Variants in SOX6 observed in about 807,000 individuals in gnomAD.
SOX6 encodes SRY-box transcription factor 6, also known as transcription factor SOX-6.
Under a neutral mutation model 97.8 loss-of-function variants are expected in SOX6, and 11 were observed. The observed-to-expected ratio is 0.11, with a 90% CI of 0.07 to 0.19. SOX6 has a LOEUF of 0.19. Ranked by LOEUF, SOX6 falls within the 10% of genes least tolerant of loss-of-function variation. The pLI is 1.00. For synonymous variants in SOX6, 360 were observed against 371.4 expected (o/e 0.97, Z 0.35); for missense variants, 810 against 1,039.5 (o/e 0.78, Z 3.04).
chr11:16,076,028 G>C (rs930511843), intron 9 of SOX6, among the ~76,000 whole-genome samples: 4 of 151,932 alleles, frequency 2.6e-5, no homozygotes, highest in Non-Finnish European at 5.9e-5. Context: ...GATTTAGGTG[G>C]GGACACAGCC....
chr11:16,521,372 G>C (rs1337023389), intron 4 of SOX6, among the ~76,000 whole-genome samples: 1 of 152,152 alleles, frequency 6.6e-6, no homozygotes, highest in East Asian at 1.9e-4. Context: ...GGCAAACAGG[G>C]TCAGGAGTGG....
intron 15 of SOX6, among the ~76,000 whole-genome samples, chr11:15,983,453 G>T (rs1853733075): frequency 6.6e-6 from 1 of 152,062 alleles, no homozygotes. Context: ...TGGCTTGAAA[G>T]TTATGCATGT....
At chr11:16,719,640 C>A (rs184317018) in intron 2 of SOX6, among the ~76,000 whole-genome samples, 17 of 152,176 alleles carry the variant, frequency 1.1e-4, no homozygotes, top group Admixed American at 8.5e-4. Context: ...AACTTCACAC[C>A]AGGCCAGGTA....
At chr11:16,240,314 GT>G in intron 3 of SOX6, among the ~76,000 whole-genome samples, 1 of 149,904 alleles carries the variant, frequency 6.7e-6, no homozygotes, top group Non-Finnish European at 1.5e-5. Context: ...GTGTGTGTGT[GT>G]GGCAGTGGAA....
At chr11:16,674,782 G>A (rs1429471175) in intron 3 of SOX6, among the ~76,000 whole-genome samples, 1 of 152,106 alleles carries the variant, frequency 6.6e-6, no homozygotes, top group Non-Finnish European at 1.5e-5. Context: ...GAAACCCTAT[G>A]TCTACTAAAA....
chr11:16,104,919 A>G (rs1444588624), intron 7 of SOX6, among the ~76,000 whole-genome samples: 1 of 152,042 alleles, frequency 6.6e-6, no homozygotes, highest in Non-Finnish European at 1.5e-5. Context: ...AGTAAGGAAA[A>G]GCTCTGGCCT....
chr11:16,020,935 T>G (rs1038078635), intron 12 of SOX6, among the ~76,000 whole-genome samples: 5 of 152,102 alleles, frequency 3.3e-5, no homozygotes, highest in African/African-American at 1.2e-4. Flanking sequence ...TCTAGCCACA[T>G]AAATCAAAAA....
chr11:16,517,384 A>T (rs1860990445), intron 4 of SOX6, among the ~76,000 whole-genome samples: 1 of 152,100 alleles, frequency 6.6e-6, no homozygotes, highest in South Asian at 2.1e-4. Flanking sequence ...AGAGGAAGTC[A>T]AATTGTCCCT....
At chr11:16,611,804 T>C (rs186854050) in intron 4 of SOX6, among the ~76,000 whole-genome samples, 1 of 152,338 alleles carries the variant, frequency 6.6e-6, no homozygotes, top group Admixed American at 6.5e-5. Context: ...TTAAATTTCA[T>C]TTGAATCTGC....
intron 3 of SOX6, among the ~76,000 whole-genome samples, chr11:16,666,857 A>C (rs943163903): frequency 6.6e-6 from 1 of 152,158 alleles, no homozygotes; most frequent in African/African-American, 2.4e-5. Flanking sequence ...CATGCCTATG[A>C]GATCTAGAAA....
chr11:16,652,514 A>AGGACAC (rs1190158849), intron 3 of SOX6, among the ~76,000 whole-genome samples: 9 of 152,218 alleles, frequency 5.9e-5, no homozygotes, highest in Non-Finnish European at 2.9e-5. Context: ...AAGTGAGCAA[A>AGGACAC]GGACACCTTA....
intron 6 of SOX6, among the ~76,000 whole-genome samples, chr11:16,162,490 CA>C (rs1470992043): frequency 6.6e-6 from 1 of 152,022 alleles, no homozygotes; most frequent in Admixed American, 6.6e-5. Context: ...GCTGGCTTCA[CA>C]ATAGTGAGTT....
chr11:16,688,698 T>C (rs141664753), intron 3 of SOX6, among the ~76,000 whole-genome samples: 51 of 152,326 alleles, frequency 3.3e-4, no homozygotes, highest in Middle Eastern at 6.8e-3. Context: ...TCATAACTAT[T>C]AATACTTTTT....
intron 10 of SOX6, among the ~76,000 whole-genome samples, chr11:16,054,549 A>T (rs1437442484): frequency 6.6e-6 from 1 of 152,048 alleles, no homozygotes; most frequent in Non-Finnish European, 1.5e-5. Flanking sequence ...ACTTTTTTAG[A>T]TCTTTGGTAT....
chr11:16,120,561 CAT>C (rs71455877), intron 6 of SOX6, among the ~76,000 whole-genome samples: 2,666 of 144,938 alleles, frequency 0.018, 56 homozygotes, highest in African/African-American at 0.056. Flanking sequence ...GCTAACTTCA[CAT>C]ATATATATAT....
intron 4 of SOX6, among the ~76,000 whole-genome samples, chr11:16,593,224 C>T (rs1183788672): frequency 6.6e-6 from 1 of 152,016 alleles, no homozygotes; most frequent in Non-Finnish European, 1.5e-5. Flanking sequence ...TTAAATAGAG[C>T]TGATAAGAAC....
At chr11:16,206,671 A>G (rs72867922) in intron 4 of SOX6, among the ~76,000 whole-genome samples, 24 of 152,370 alleles carry the variant, frequency 1.6e-4, no homozygotes, top group Non-Finnish European at 3.4e-4. Context: ...TGAGCACTCA[A>G]TAAATACTTG....
chr11:16,215,508 C>T (rs1519123), intron 4 of SOX6, among the ~76,000 whole-genome samples: 72,618 of 151,978 alleles, frequency 0.48, 17,528 homozygotes, highest in South Asian at 0.61. Context: ...CATCCAGTTT[C>T]CAAAGCTTAT....
intron 3 of SOX6, 60 bp from the exon 4 acceptor site, chr11:16,234,731 G>T: frequency 1.0e-6 from 1 of 1,003,058 alleles, no homozygotes; most frequent in Non-Finnish European, 1.4e-6. Context: ...TAGAAAGTCA[G>T]TTTATGGGGA....
Sources: allele counts gnomAD v4.1 joint callset (sites outside exome capture counted in the v4.1 genomes callset), GRCh38; gene constraint gnomAD v4.1.1; transcripts MANE v1.5; gene names NCBI Gene and HGNC (gene_info 2026-07-23, HGNC 2026-07-21).